Variants in CSGALNACT1 observed in about 807,000 individuals in gnomAD.
CSGALNACT1 encodes the protein chondroitin sulfate N-acetylgalactosaminyltransferase 1.
A neutral mutation model predicts 51.0 loss-of-function variants in CSGALNACT1; 52 were observed. The ratio of observed to expected loss-of-function variants is 1.02; its 90% CI spans 0.82 to 1.29. The LOEUF (loss-of-function observed/expected upper bound fraction) is 1.29. CSGALNACT1 is among the 50% of genes most tolerant of loss of function. The pLI is 0.00. For missense variants in CSGALNACT1, 935 were observed against 679.2 expected (o/e 1.38, Z -4.19); for synonymous variants, 341 against 254.4 (o/e 1.34, Z -3.24).
At chr8:19,717,553 A>G (rs1387976860) in intron 1 of CSGALNACT1, among the ~76,000 whole-genome samples, 6 of 152,144 alleles carry the variant, frequency 3.9e-5, no homozygotes, top group Non-Finnish European at 8.8e-5. Context: ...AACCATAACG[A>G]ATGGTCCCAC....
Position 19,583,985 on chromosome 8 carries a change from T to C in CSGALNACT1, c.-297+7175A>G, listed in dbSNP as rs141196483. Reference sequence around the variant, plus strand: ...GCATGTTTATGTTGCTCAGTTGAGATTGAATAACACATAAGCACAAACTGG... The same window carrying C: ...GCATGTTTATGTTGCTCAGTTGAGACTGAATAACACATAAGCACAAACTGG... On this transcript the variant is annotated intron_variant, in intron 3 of 9. Transcript: ENST00000454498. 6.9e-4 allele frequency among the ~76,000 whole-genome samples: 105 copies of C among 152,306 alleles called. 3 individuals are homozygous for C. In the East Asian group the frequency reaches 7.3e-3, roughly 11 times the overall value.
intron 4 of CSGALNACT1, among the ~76,000 whole-genome samples, chr8:19,479,754 T>C (rs2070814495): frequency 6.7e-6 from 1 of 149,060 alleles, no homozygotes; most frequent in East Asian, 2.0e-4. Context: ...GCCGTATTTC[T>C]TGACTTAGAA....
intron 1 of CSGALNACT1, among the ~76,000 whole-genome samples, chr8:19,700,122 A>G (rs2061782300): frequency 1.4e-5 from 1 of 72,006 alleles, no homozygotes; most frequent in South Asian, 6.2e-4. Context: ...AAAAAAAAAA[A>G]AAAGAAAAAA....
chr8:19,515,543 G>C (rs1366310760), intron 3 of CSGALNACT1, among the ~76,000 whole-genome samples: 1 of 152,110 alleles, frequency 6.6e-6, no homozygotes, highest in Non-Finnish European at 1.5e-5. Context: ...AAACACATAA[G>C]TGTAAATCAA....
chr8:19,477,884 G>C (rs574206041), intron 4 of CSGALNACT1, among the ~76,000 whole-genome samples: 1 of 152,172 alleles, frequency 6.6e-6, no homozygotes, highest in Non-Finnish European at 1.5e-5. Context: ...GAAAGACTTC[G>C]GTTCCTCCCA....
intron 1 of CSGALNACT1, among the ~76,000 whole-genome samples, chr8:19,640,689 T>C (rs1357862027): frequency 2.0e-5 from 3 of 152,212 alleles, no homozygotes; most frequent in Non-Finnish European, 4.4e-5. Flanking sequence ...CTAACAACTT[T>C]GCTTCAGAAG....
At chr8:19,410,569 T>C (rs568795824) in intron 8 of CSGALNACT1, among the ~76,000 whole-genome samples, 11 of 152,232 alleles carry the variant, frequency 7.2e-5, no homozygotes, top group African/African-American at 2.4e-4. Context: ...GGAAAAACAA[T>C]TGGCCAAGCC....
chr8:19,574,495 T>C (rs1385689442), intron 3 of CSGALNACT1, among the ~76,000 whole-genome samples: 2 of 152,160 alleles, frequency 1.3e-5, no homozygotes, highest in Non-Finnish European at 2.9e-5. Flanking sequence ...GAACAATAAA[T>C]ACATAGCCTC....
At chr8:19,660,288 T>G (rs968099785) in intron 1 of CSGALNACT1, among the ~76,000 whole-genome samples, 2 of 152,224 alleles carry the variant, frequency 1.3e-5, no homozygotes, top group African/African-American at 4.8e-5. Context: ...GAGTGCAGTC[T>G]GGGGACCAGA....
chr8:19,649,818 G>GAAAAAAAAAAAAAAAAAAAAAA (rs1564347327), intron 1 of CSGALNACT1, among the ~76,000 whole-genome samples: 1 of 1,552 alleles, frequency 6.4e-4, no homozygotes, highest in African/African-American at 2.2e-3. Flanking sequence ...ATTCCAAGTA[G>GAAAAAAAAAAAAAAAAAAAAAA]CAAAAAAAAA....
chr8:19,587,049 A>G (rs2046815993), intron 3 of CSGALNACT1, among the ~76,000 whole-genome samples: 1 of 152,210 alleles, frequency 6.6e-6, no homozygotes, highest in Non-Finnish European at 1.5e-5. Flanking sequence ...ACATTCACTT[A>G]AAAATGTGTT....
At chr8:19,494,998 G>A (rs565575747) in intron 4 of CSGALNACT1, 1 of 152,194 alleles carries the variant, frequency 6.6e-6, no homozygotes, top group East Asian at 1.9e-4. Flanking sequence ...GAGATGTAAT[G>A]GGAATAAAGT....
At chr8:19,611,026 G>T (rs1175871887) in intron 1 of CSGALNACT1, among the ~76,000 whole-genome samples, 1 of 152,218 alleles carries the variant, frequency 6.6e-6, no homozygotes, top group Non-Finnish European at 1.5e-5. Flanking sequence ...CACTGAAGCA[G>T]CGAGCCGCTC....
At chr8:19,621,903 A>T (rs1362676600) in intron 1 of CSGALNACT1, among the ~76,000 whole-genome samples, 1 of 152,246 alleles carries the variant, frequency 6.6e-6, no homozygotes, top group African/African-American at 2.4e-5. Flanking sequence ...TTTTTGTGCT[A>T]TTCACAATGT....
chr8:19,701,798 G>A (rs1004083454), intron 1 of CSGALNACT1, among the ~76,000 whole-genome samples: 12 of 152,078 alleles, frequency 7.9e-5, no homozygotes, highest in African/African-American at 2.4e-4. Context: ...GGTAAGACTC[G>A]ACTTTCAATC....
intron 4 of CSGALNACT1, among the ~76,000 whole-genome samples, chr8:19,479,709 G>A (rs1476164579): frequency 2.0e-5 from 3 of 148,972 alleles, no homozygotes; most frequent in African/African-American, 7.5e-5. Flanking sequence ...AGTTCCTTCA[G>A]AAGCTGTGTG....
intron 6 of CSGALNACT1, among the ~76,000 whole-genome samples, chr8:19,425,037 C>G (rs1332262135): frequency 6.6e-6 from 1 of 152,336 alleles, no homozygotes; most frequent in East Asian, 1.9e-4. Context: ...AGCTTGAGAA[C>G]TGAGTCACCA....
chr8:19,737,118 C>T (rs2064026656), intron 1 of CSGALNACT1, among the ~76,000 whole-genome samples: 1 of 152,092 alleles, frequency 6.6e-6, no homozygotes, highest in Admixed American at 6.5e-5. Flanking sequence ...TAATAACTTC[C>T]AACCTAGAAT....
chr8:19,672,851 A>T (rs1043187368), intron 1 of CSGALNACT1, among the ~76,000 whole-genome samples: 1 of 152,226 alleles, frequency 6.6e-6, no homozygotes, highest in African/African-American at 2.4e-5. Flanking sequence ...AAATAAAAAA[A>T]CAGGCTACAT....
Sources: gnomAD v4.1 joint callset for allele counts (sites outside exome capture counted in the v4.1 genomes callset) on GRCh38, gnomAD v4.1.1 for gene constraint, MANE v1.5 for transcripts, NCBI Gene and HGNC (gene_info 2026-07-23, HGNC 2026-07-21) for gene names.